The following SLC8A3 variants were observed in gnomAD, a reference collection of about 807,000 sequenced individuals.
The protein encoded by SLC8A3 is solute carrier family 8 member A3, also known as sodium/calcium exchanger 3.
A neutral mutation model predicts 65.4 loss-of-function variants in SLC8A3; 37 were observed. That is an observed-to-expected ratio of 0.57 (90% CI 0.44 to 0.74). The LOEUF is 0.74. Among genes scored for constraint, SLC8A3 ranks in the 30% least tolerant of loss-of-function variants. The pLI, the probability that SLC8A3 is intolerant of heterozygous loss-of-function variation, is 0.00. For missense variants in SLC8A3, 1,112 were observed against 1,172.1 expected (o/e 0.95, Z 0.75); for synonymous variants, 461 against 444.5 (o/e 1.04, Z -0.47).
At chr14:70,128,639 A>G (rs1448952108) in intron 2 of SLC8A3, among the ~76,000 whole-genome samples, 1 of 152,232 alleles carries the variant, frequency 6.6e-6, no homozygotes, top group Non-Finnish European at 1.5e-5. Context: ...TATGATGAGA[A>G]GATATCCGAA....
chr14:70,102,525 G>T (rs1281023587), intron 2 of SLC8A3, among the ~76,000 whole-genome samples: 1 of 152,096 alleles, frequency 6.6e-6, no homozygotes, highest in Non-Finnish European at 1.5e-5. Flanking sequence ...ATAACCCCAA[G>T]ATGACTCAGA....
chr14:70,113,849 T>C (rs926965366), intron 2 of SLC8A3, among the ~76,000 whole-genome samples: 4 of 152,180 alleles, frequency 2.6e-5, no homozygotes, highest in African/African-American at 9.7e-5. Context: ...TGTTCAATTA[T>C]AGCAAGTTCA....
At chr14:70,180,624 C>A (rs1594821827) in intron 1 of SLC8A3, among the ~76,000 whole-genome samples, 2 of 152,190 alleles carry the variant, frequency 1.3e-5, no homozygotes, top group African/African-American at 4.8e-5. Context: ...GTAGGTGGAG[C>A]ATCTAGAAAG....
At chr14:70,163,644 A>C (rs1897010703) in intron 2 of SLC8A3, among the ~76,000 whole-genome samples, 1 of 152,194 alleles carries the variant, frequency 6.6e-6, no homozygotes, top group Non-Finnish European at 1.5e-5. Flanking sequence ...TGGCGTTGAA[A>C]GTTGGAATTA....
At chr14:70,187,050 G>A (rs752906997) in intron 1 of SLC8A3, 1 of 152,322 alleles carries the variant, frequency 6.6e-6, no homozygotes, top group Non-Finnish European at 1.5e-5. Context: ...CGGAAGGCCG[G>A]ATGTGTTCCT....
At chr14:70,117,003 A>G (rs1893712999) in intron 2 of SLC8A3, among the ~76,000 whole-genome samples, 1 of 152,258 alleles carries the variant, frequency 6.6e-6, no homozygotes, top group Non-Finnish European at 1.5e-5. Context: ...ATGTCTTACC[A>G]CATAGCCTCA....
In SLC8A3 at chr14:70,116,130, G is replaced by T. The variant is rs144414816; in HGVS notation, c.1784+50509C>A. 5.5e-3 allele frequency among the ~76,000 whole-genome samples: 844 copies of T among 152,252 alleles called. 8 individuals are homozygous for T. Among genetic ancestry groups the T allele is most frequent in the African/African-American group, 0.02 (821 of 41,556 alleles). On this transcript the variant is annotated intron_variant, in intron 2 of 6. Coordinates refer to ENST00000356921, the MANE Select transcript of SLC8A3 (RefSeq NM_182932.3). ...GAGGTAGTGCTGAAAGCTCAGAGAG[G>T]GGGTCATAGACTTTGAACTTGGATG... is the stretch of plus-strand genomic sequence containing the variant.
intron 2 of SLC8A3, among the ~76,000 whole-genome samples, chr14:70,073,667 A>G (rs1282560367): frequency 6.6e-6 from 1 of 152,154 alleles, no homozygotes; most frequent in Non-Finnish European, 1.5e-5. Flanking sequence ...GAGATGTTGG[A>G]TCTCTCTGTC....
chr14:70,144,634 A>AC (rs1895807889), intron 2 of SLC8A3, among the ~76,000 whole-genome samples: 1 of 151,568 alleles, frequency 6.6e-6, no homozygotes, highest in East Asian at 1.9e-4. Flanking sequence ...CACCTAAAAA[A>AC]AAAAAAAGAA....
At chr14:70,182,928 T>C (rs1882880427) in intron 1 of SLC8A3, among the ~76,000 whole-genome samples, 1 of 152,184 alleles carries the variant, frequency 6.6e-6, no homozygotes, top group Non-Finnish European at 1.5e-5. Context: ...GGGTTTTGTT[T>C]CTGTTCGTTT....
chr14:70,061,516 C>T (rs902875297), intron 2 of SLC8A3, among the ~76,000 whole-genome samples: 2 of 145,448 alleles, frequency 1.4e-5, no homozygotes, highest in African/African-American at 5.1e-5. Context: ...GGAAGGAAAA[C>T]CAGACAGAGG....
intron 2 of SLC8A3, among the ~76,000 whole-genome samples, chr14:70,102,308 G>A (rs1892599126): frequency 6.6e-6 from 1 of 152,146 alleles, no homozygotes; most frequent in Non-Finnish European, 1.5e-5. Flanking sequence ...CAAAGAATAA[G>A]ATCAAGTTTG....
intron 2 of SLC8A3, among the ~76,000 whole-genome samples, chr14:70,068,377 A>G (rs1258734279): frequency 6.6e-6 from 1 of 152,028 alleles, no homozygotes; most frequent in African/African-American, 2.4e-5. Flanking sequence ...TTCTTGTTTC[A>G]TTCTTCTTAT....
At chr14:70,175,959 T>C (rs1043420881) in intron 1 of SLC8A3, among the ~76,000 whole-genome samples, 25 of 152,174 alleles carry the variant, frequency 1.6e-4, no homozygotes, top group African/African-American at 5.8e-4. Flanking sequence ...GGTCTCGAAC[T>C]CCTGACCTCA....
At chr14:70,047,357 G>A (rs970779522) in intron 6 of SLC8A3, 7 of 151,442 alleles carry the variant, frequency 4.6e-5, no homozygotes, top group Admixed American at 2.0e-4. Context: ...GTTGTTTTTT[G>A]CTTCTGATCC....
intron 2 of SLC8A3, among the ~76,000 whole-genome samples, chr14:70,131,283 G>A (rs1478645974): frequency 6.6e-6 from 1 of 152,222 alleles, no homozygotes; most frequent in East Asian, 1.9e-4. Flanking sequence ...CAGTTTGGGT[G>A]AGAATTGGAG....
At chr14:70,131,142 T>C (rs545599844) in intron 2 of SLC8A3, among the ~76,000 whole-genome samples, 3 of 152,238 alleles carry the variant, frequency 2.0e-5, no homozygotes, top group Middle Eastern at 3.4e-3. Flanking sequence ...GTGGAGAACA[T>C]GGGAGAAAGA....
chr14:70,046,090 A>G lies in SLC8A3; in HGVS notation c.2623T>C (p.Tyr875His), dbSNP rs1886745130. 6.2e-7 allele frequency: 1 copy of G among 1,614,204 alleles called. No individual in the cohort carries two copies. Among genetic ancestry groups the G allele is most frequent in the Non-Finnish European group, 8.5e-7 (1 of 1,180,034 alleles). Residue 875 changes from tyrosine (Y) to histidine (H), a missense_variant, in exon 7 of 7, where the codon TAC (tyrosine) becomes CAC (histidine). Transcript: ENST00000356921. The surrounding 1 kb of genome is among the most constrained non-coding windows in gnomAD (Gnocchi z 4.2). Reference sequence around the variant, plus strand: ...CCTCCCAGGTGCGGCCGCCTTCGGTACAAGAGCACGCTGATGCAGACAAAT... The same window carrying G: ...CCTCCCAGGTGCGGCCGCCTTCGGTGCAAGAGCACGCTGATGCAGACAAAT... ...FAFVCISVLL[Y>H]RRRPHLGGEL...
chr14:70,126,570 T>TCTCTCTCTCTCACACA (rs1385909771), intron 2 of SLC8A3, among the ~76,000 whole-genome samples: 2 of 117,114 alleles, frequency 1.7e-5, no homozygotes, highest in South Asian at 3.0e-4. Context: ...TCTCTCTCTC[T>TCTCTCTCTCTCACACA]CACACACACA....
Sources: gnomAD v4.1 joint callset for allele counts (sites outside exome capture counted in the v4.1 genomes callset) on GRCh38, gnomAD v4.1.1 for gene constraint, Gnocchi (gnomAD v3.1) non-coding constraint, MANE v1.5 for transcripts, NCBI Gene and HGNC (gene_info 2026-07-23, HGNC 2026-07-21) for gene names.